Variants in CDH4 observed in about 807,000 individuals in gnomAD.
CDH4 encodes the protein cadherin 4.
Under a neutral mutation model 86.0 loss-of-function variants are expected in CDH4, and 33 were observed. The observed-to-expected ratio is 0.38, with a 90% confidence interval of 0.29 to 0.51. The LOEUF is 0.51. CDH4 is among the 20% of genes least tolerant of loss of function. CDH4 has a pLI of 0.86. For synonymous variants in CDH4, 555 were observed against 549.4 expected (o/e 1.01, Z -0.14); for missense variants, 1,114 against 1,307.4 (o/e 0.85, Z 2.28).
rs547671613 is a variant in CDH4, at chr20:61,857,239, G to A, written c.877+4341G>A. Among the ~76,000 whole-genome samples the A allele has an allele frequency of 3.9e-5, 6 of 152,368 alleles. No homozygotes were observed. In the South Asian group the frequency reaches 6.2e-4, roughly 16 times the overall value. On this transcript the variant is annotated intron_variant, in intron 6 of 15. Transcript: ENST00000614565. ...CTGGGATGGTGGGCGGCGCGTGTGC[G>A]TTCGCCATGGAGTAAGACGGGGCTC...
chr20:61,416,008 CT>C (rs200908333), intron 2 of CDH4, among the ~76,000 whole-genome samples: 75,927 of 135,322 alleles, frequency 0.56, 21,410 homozygotes, highest in African/African-American at 0.66. Context: ...CCTCTCCTTC[CT>C]TTTTTTTTTT....
chr20:61,637,035 G>C (rs985008376), intron 2 of CDH4, among the ~76,000 whole-genome samples: 2 of 152,212 alleles, frequency 1.3e-5, no homozygotes, highest in African/African-American at 4.8e-5. Flanking sequence ...GGGTCCATTC[G>C]GGGGCAGGCA....
At position 61,334,504 on chromosome 20, in the gene CDH4, G is replaced by A. The variant is rs373808762; in HGVS notation, c.169+79567G>A. Among the ~76,000 whole-genome samples, 301 of 152,216 alleles carry A rather than the reference G, an allele frequency of 2.0e-3. 1 individual carries two copies. Among genetic ancestry groups the A allele is most frequent in the African/African-American group, 6.9e-3 (288 of 41,514 alleles). The stretch of plus-strand genomic sequence containing the variant: ...ATCAATGCTTACAGCTCTGGAGGCC[G>A]GGGGGGCTGGGATCAAGGCACCAGC... On this transcript the variant is annotated intron_variant, in intron 2 of 15. Coordinates refer to ENST00000614565, the MANE Select transcript of CDH4 (RefSeq NM_001794.5).
intron 2 of CDH4, among the ~76,000 whole-genome samples, chr20:61,542,683 CAGAACTCCT>C (rs2086049395): frequency 6.6e-6 from 1 of 152,194 alleles, no homozygotes; most frequent in Non-Finnish European, 1.5e-5. Flanking sequence ...TATTTATAAT[CAGAACTCCT>C]AGAAAGGGTC....
At chr20:61,633,946 T>G (rs1600825187) in intron 2 of CDH4, among the ~76,000 whole-genome samples, 1 of 152,190 alleles carries the variant, frequency 6.6e-6, no homozygotes, top group Non-Finnish European at 1.5e-5. Context: ...TGATGGAAAA[T>G]CCCAGTTCAG....
intron 2 of CDH4, among the ~76,000 whole-genome samples, chr20:61,412,597 G>T (rs2085125216): frequency 6.6e-6 from 1 of 152,190 alleles, no homozygotes; most frequent in South Asian, 2.1e-4. Flanking sequence ...AGGACATCCT[G>T]AGACATAGTT....
chr20:61,926,129 A>G (rs1246148178), intron 11 of CDH4, among the ~76,000 whole-genome samples: 1 of 152,224 alleles, frequency 6.6e-6, no homozygotes, highest in Non-Finnish European at 1.5e-5. Flanking sequence ...TGATTCAGGC[A>G]GCAAGAAGAG....
chr20:61,492,639 G>C (rs749477132), intron 2 of CDH4, among the ~76,000 whole-genome samples: 6 of 152,140 alleles, frequency 3.9e-5, no homozygotes, highest in Non-Finnish European at 5.9e-5. Flanking sequence ...GCGTGATTTG[G>C]ACTGGCAATG....
intron 2 of CDH4, among the ~76,000 whole-genome samples, chr20:61,528,386 T>TGAGAGGAGGGGAGGGGGGTGGAGGGG (rs2085926156): frequency 1.1e-5 from 1 of 92,616 alleles, no homozygotes; most frequent in Non-Finnish European, 2.1e-5. Flanking sequence ...CAAAGAAAGA[T>TGAGAGGAGGGGAGGGGGGTGGAGGGG]GAGAGGAGGG....
intron 4 of CDH4, among the ~76,000 whole-genome samples, chr20:61,799,950 C>T (rs1979742831): frequency 6.6e-6 from 1 of 152,130 alleles, no homozygotes; most frequent in African/African-American, 2.4e-5. Flanking sequence ...CCTGAGAGCC[C>T]AGGGCCATCT....
At chr20:61,657,733 T>C (rs1444836144) in intron 2 of CDH4, among the ~76,000 whole-genome samples, 7 of 152,224 alleles carry the variant, frequency 4.6e-5, no homozygotes, top group African/African-American at 9.6e-5. Context: ...GCAGAATGCT[T>C]AAGAATATAA....
chr20:61,859,623 A>G (rs1397474772), intron 6 of CDH4, among the ~76,000 whole-genome samples: 1 of 152,162 alleles, frequency 6.6e-6, no homozygotes, highest in East Asian at 1.9e-4. Flanking sequence ...CATATTTTCC[A>G]TGACTGCCCC....
Position 61,936,918 on chromosome 20 carries a change from TGTATG to T in CDH4, c.2728_2732del (p.Tyr910ArgfsTer3). The T allele has an allele frequency of 1.9e-6, 3 of 1,589,804 alleles. No homozygotes were observed. The South Asian group carries it at 3.4e-5, about 18-fold the overall frequency. On this transcript the variant is annotated frameshift_variant, in exon 16 of 16. Coordinates refer to ENST00000614565, the MANE Select transcript of CDH4 (RefSeq NM_001794.5). LOFTEE classifies it high-confidence loss of function. ...CCCAGATTCAAGAAGCTGGCGGACA[TGTATG>T]GAGGTGGTGAAGAGGATTGACTGAC...
At chr20:61,594,343 G>A (rs1416354535) in intron 2 of CDH4, among the ~76,000 whole-genome samples, 1 of 152,058 alleles carries the variant, frequency 6.6e-6, no homozygotes, top group Non-Finnish European at 1.5e-5. Flanking sequence ...CCCAGAGACA[G>A]GCCAGACACT....
chr20:61,454,271 C>T (rs1011853583), intron 2 of CDH4, among the ~76,000 whole-genome samples: 2 of 152,052 alleles, frequency 1.3e-5, no homozygotes, highest in South Asian at 2.1e-4. Context: ...ATACTCAAGA[C>T]GGGGAGTCAG....
chr20:61,369,794 G>C, intron 2 of CDH4: 1 of 152,102 alleles, frequency 6.6e-6, no homozygotes, highest in South Asian at 2.1e-4. Flanking sequence ...TCAGACAGGG[G>C]ATCACAGAAG....
intron 2 of CDH4, among the ~76,000 whole-genome samples, chr20:61,291,559 T>C (rs1026004779): frequency 6.6e-6 from 1 of 152,236 alleles, no homozygotes; most frequent in Non-Finnish European, 1.5e-5. Context: ...TAGCTAAGAA[T>C]GCAAGGTGCT....
chr20:61,592,831 G>A (rs369575001), intron 2 of CDH4, among the ~76,000 whole-genome samples: 2 of 152,182 alleles, frequency 1.3e-5, no homozygotes, highest in East Asian at 3.8e-4. Context: ...ATAGTGTGGT[G>A]AGGAAGGAAA....
At chr20:61,627,833 CG>C (rs2086844129) in intron 2 of CDH4, among the ~76,000 whole-genome samples, 1 of 152,004 alleles carries the variant, frequency 6.6e-6, no homozygotes, top group South Asian at 2.1e-4. Context: ...CTGTGAGAGG[CG>C]GCCACTTCTA....
Sources: gnomAD v4.1 joint callset for allele counts (sites outside exome capture counted in the v4.1 genomes callset) on GRCh38, gnomAD v4.1.1 for gene constraint, MANE v1.5 for transcripts, NCBI Gene and HGNC (gene_info 2026-07-23, HGNC 2026-07-21) for gene names.